The following RTN1 variants were observed in gnomAD, a reference collection of about 807,000 sequenced individuals.
RTN1 encodes reticulon 1.
Under a neutral mutation model 65.5 loss-of-function variants are expected in RTN1, and 25 were observed. That is an observed-to-expected ratio of 0.38 (90% confidence interval 0.28 to 0.53). The LOEUF (loss-of-function observed/expected upper bound fraction) is 0.53, where lower values mean the gene tolerates loss of function less well. Ranked by LOEUF, RTN1 falls within the 20% of genes least tolerant of loss-of-function variation. The pLI is 0.79. For missense variants in RTN1, 983 were observed against 1,025.4 expected (o/e 0.96, Z 0.57); for synonymous variants, 471 against 447.6 (o/e 1.05, Z -0.66).
chr14:59,614,735 G>A (rs1350354661), intron 3 of RTN1, among the ~76,000 whole-genome samples: 1 of 152,154 alleles, frequency 6.6e-6, no homozygotes, highest in Admixed American at 6.5e-5. Flanking sequence ...GGAAAGCCAA[G>A]TCCACTAGCT....
chr14:59,630,110 T>G (rs1594641643), intron 3 of RTN1, among the ~76,000 whole-genome samples: 2 of 152,058 alleles, frequency 1.3e-5, no homozygotes, highest in Non-Finnish European at 2.9e-5. Context: ...AGAAAGCACT[T>G]TAACTCCGGG....
At chr14:59,792,662 T>A (rs1246368252) in intron 1 of RTN1, among the ~76,000 whole-genome samples, 1 of 152,152 alleles carries the variant, frequency 6.6e-6, no homozygotes, top group African/African-American at 2.4e-5. Context: ...TCCAATTTCA[T>A]TGGAAATGCC....
At chr14:59,596,817 T>A (rs1347974620) in intron 8 of RTN1, 30 bp from the exon 9 acceptor site, 1 of 1,572,710 alleles carries the variant, frequency 6.4e-7, no homozygotes, top group Non-Finnish European at 8.8e-7. Flanking sequence ...AGGTAGTAAA[T>A]CACAAGTGTT....
At chr14:59,804,196 T>C (rs1425967692) in intron 1 of RTN1, among the ~76,000 whole-genome samples, 1 of 152,220 alleles carries the variant, frequency 6.6e-6, no homozygotes, top group South Asian at 2.1e-4. Context: ...GTCCTTGTTT[T>C]TTATAAGCTT....
At chr14:59,762,169 T>C (rs1885761964) in intron 1 of RTN1, among the ~76,000 whole-genome samples, 1 of 152,070 alleles carries the variant, frequency 6.6e-6, no homozygotes. Flanking sequence ...CAGCATTCCA[T>C]CGTAGAAAAA....
intron 3 of RTN1, among the ~76,000 whole-genome samples, chr14:59,661,769 T>C (rs893727595): frequency 6.6e-6 from 1 of 152,118 alleles, no homozygotes; most frequent in Admixed American, 6.6e-5. Flanking sequence ...AATAAGCTAT[T>C]TATGACAAAC....
rs1017006706 is a variant in RTN1, at chr14:59,794,177, C to T, written c.242-47696G>A. On this transcript the variant is annotated intron_variant, in intron 1 of 8. Transcript: ENST00000267484. This position sits in a 1 kb window ranked among gnomAD's most constrained non-coding sequence, Gnocchi z 5.1. The stretch of plus-strand genomic sequence containing the variant: ...AGTAAGTGTATGGTATTATCTTGGC[C>T]GTAATGATTAATTCCGGTATAGACA... 5.3e-5 allele frequency among the ~76,000 whole-genome samples: 8 copies of T among 152,052 alleles called. No homozygotes were observed. The highest frequency in any genetic ancestry group is 7.4e-5 in the Non-Finnish European group (5 of 68,012).
chr14:59,869,102 C>T (rs760823987), intron 1 of RTN1, among the ~76,000 whole-genome samples: 4 of 151,976 alleles, frequency 2.6e-5, no homozygotes, highest in Non-Finnish European at 5.9e-5. Context: ...TTTTTCTCTT[C>T]CTTTCAGGAT....
intron 3 of RTN1, among the ~76,000 whole-genome samples, chr14:59,680,473 C>T (rs961248821): frequency 1.3e-5 from 2 of 152,188 alleles, no homozygotes; most frequent in African/African-American, 4.8e-5. Context: ...TTGAGCTAAT[C>T]AGTGAATTCA....
chr14:59,754,456 A>G (rs1885595434), intron 1 of RTN1, among the ~76,000 whole-genome samples: 1 of 152,210 alleles, frequency 6.6e-6, no homozygotes, highest in Non-Finnish European at 1.5e-5. Flanking sequence ...AATGGAGTTC[A>G]TTCAATTGGT....
chr14:59,702,307 A>T (rs1884197289), intron 3 of RTN1, among the ~76,000 whole-genome samples: 1 of 152,214 alleles, frequency 6.6e-6, no homozygotes, highest in South Asian at 2.1e-4. Flanking sequence ...TTCAAAACTT[A>T]CTTATGATCT....
intron 3 of RTN1, among the ~76,000 whole-genome samples, chr14:59,685,966 AACAG>A (rs2140224809): frequency 6.6e-6 from 1 of 152,342 alleles, no homozygotes; most frequent in East Asian, 1.9e-4. Context: ...CTGGCATAAA[AACAG>A]ACAGATAAAC....
intron 1 of RTN1, among the ~76,000 whole-genome samples, chr14:59,792,191 G>A (rs1886361195): frequency 6.6e-6 from 1 of 152,056 alleles, no homozygotes; most frequent in Non-Finnish European, 1.5e-5. Flanking sequence ...CATGTCATTG[G>A]GTTTTGGGAG....
chr14:59,729,145 G>T (rs1048261389), intron 2 of RTN1, among the ~76,000 whole-genome samples: 2 of 152,154 alleles, frequency 1.3e-5, no homozygotes, highest in African/African-American at 4.8e-5. Flanking sequence ...CAGAGGAAAA[G>T]CACGTCATGC....
chr14:59,725,224 T>C (rs1241774646), intron 3 of RTN1, among the ~76,000 whole-genome samples: 3 of 152,242 alleles, frequency 2.0e-5, no homozygotes, highest in Non-Finnish European at 4.4e-5. Flanking sequence ...TGTCTCTCAA[T>C]AGGCCTGCAA....
chr14:59,799,384 A>G (rs1476687630), intron 1 of RTN1, among the ~76,000 whole-genome samples: 1 of 152,232 alleles, frequency 6.6e-6, no homozygotes, highest in Non-Finnish European at 1.5e-5. Context: ...GCAAATGTGG[A>G]TAATCTACAA....
At chr14:59,626,295 T>C (rs1882397941) in intron 3 of RTN1, among the ~76,000 whole-genome samples, 1 of 152,222 alleles carries the variant, frequency 6.6e-6, no homozygotes, top group Non-Finnish European at 1.5e-5. Flanking sequence ...CATAAAAGTT[T>C]CAAAATATTT....
intron 3 of RTN1, among the ~76,000 whole-genome samples, chr14:59,625,175 T>C (rs1445110839): frequency 6.6e-6 from 1 of 152,216 alleles, no homozygotes; most frequent in Non-Finnish European, 1.5e-5. Flanking sequence ...CCACAATCCC[T>C]ATTGATATAT....
chr14:59,749,334 ATATC>A (rs1885335579), intron 1 of RTN1, among the ~76,000 whole-genome samples: 1 of 66,498 alleles, frequency 1.5e-5, no homozygotes, highest in Non-Finnish European at 2.3e-5. Flanking sequence ...ATATCTATAT[ATATC>A]TATATATATC....
Sources: gnomAD v4.1 joint callset for allele counts (sites outside exome capture counted in the v4.1 genomes callset) on GRCh38, gnomAD v4.1.1 for gene constraint, Gnocchi (gnomAD v3.1) non-coding constraint, MANE v1.5 for transcripts, NCBI Gene and HGNC (gene_info 2026-07-23, HGNC 2026-07-21) for gene names.